The following CD274 variants were observed in gnomAD, a reference collection of about 807,000 sequenced individuals.
CD274 encodes programmed cell death 1 ligand 1.
A neutral mutation model predicts 30.1 loss-of-function variants in CD274; 8 were observed. The observed-to-expected ratio is 0.27, with a 90% CI of 0.16 to 0.48. The LOEUF is 0.48. Ranked by LOEUF, CD274 falls within the 20% of genes least tolerant of loss-of-function variation. CD274 has a pLI of 0.99. For missense variants in CD274, 353 were observed against 346.6 expected (o/e 1.02, Z -0.15); for synonymous variants, 152 against 124.6 (o/e 1.22, Z -1.46).
intron 5 of CD274, 159 bp downstream of exon 5, chr9:5,465,765 TGAA>T: frequency 1.8e-6 from 1 of 545,674 alleles, no homozygotes; most frequent in Admixed American, 3.2e-5. Context: ...GATCACTGGG[TGAA>T]GATGAAGCGT....
chr9:5,458,957 C>T (rs1162078668), intron 3 of CD274, among the ~76,000 whole-genome samples: 1 of 152,132 alleles, frequency 6.6e-6, no homozygotes, highest in African/African-American at 2.4e-5. Context: ...ATAATCCTGG[C>T]AGTCAGGAAG....
rs1038325969 is a variant in CD274 at position 5,468,765 on chromosome 9, T to A, written c.*903T>A. The A allele has an allele frequency of 4.3e-5, 10 of 233,002 alleles. No individual in the cohort carries two copies. Among genetic ancestry groups the A allele is most frequent in the Non-Finnish European group, 6.8e-5 (8 of 117,944 alleles). 14.4% of individuals were successfully genotyped at this position (233,002 alleles called of 1,614,324 possible). A position where few individuals can be genotyped will look rare whatever the true frequency, so the allele number is the denominator to read the frequency against. ...GAGGAAGCAAACAGATTAAGTAACT[T>A]GCCCAAACCAGTAAATAGCAGACCT... is the stretch of plus-strand genomic sequence containing the variant. On this transcript the variant is annotated 3_prime_UTR_variant, in exon 7 of 7. Transcript: ENST00000381577.
chr9:5,461,723 A>G (rs1819407157), intron 3 of CD274, among the ~76,000 whole-genome samples: 1 of 152,178 alleles, frequency 6.6e-6, no homozygotes, highest in Admixed American at 6.6e-5. Flanking sequence ...CTCTTATGCT[A>G]TATAGGTGCA....
intron 3 of CD274, among the ~76,000 whole-genome samples, chr9:5,459,685 A>G (rs1156599975): frequency 6.6e-6 from 1 of 152,218 alleles, no homozygotes; most frequent in Non-Finnish European, 1.5e-5. Flanking sequence ...TTGTGAGTTT[A>G]AATGCCAGAC....
chr9:5,453,892 T>C (rs1158354094), intron 1 of CD274, among the ~76,000 whole-genome samples: 1 of 152,174 alleles, frequency 6.6e-6, no homozygotes, highest in East Asian at 1.9e-4. Context: ...GCAATAGCAG[T>C]CCTCCCTCAA....
Position 5,469,374 on chromosome 9 carries a change from C to T in CD274, c.*1512C>T, listed in dbSNP as rs1374793183. On this transcript the variant is annotated 3_prime_UTR_variant, in exon 7 of 7. Transcript: ENST00000381577. ...ATGGGAGATGGTTGGAAAATCTCCACTTCATCCTCCAAGCCATTCAAGTTT... is the reference window on the plus strand; with the variant it reads ...ATGGGAGATGGTTGGAAAATCTCCATTTCATCCTCCAAGCCATTCAAGTTT... 4.3e-6 allele frequency: 1 copy of T among 232,502 alleles called. No homozygotes were observed. Among genetic ancestry groups the T allele is most frequent in the Non-Finnish European group, 8.5e-6 (1 of 117,674 alleles). 14.4% of individuals were successfully genotyped at this position (232,502 alleles called of 1,614,324 possible). A position where few individuals can be genotyped will look rare whatever the true frequency, so the allele number is the denominator to read the frequency against.
At position 5,462,853 on chromosome 9, in the gene CD274, C is replaced by G. The variant is rs1351902556; in HGVS notation, c.414C>G (p.Asn138Lys). The G allele has an allele frequency of 3.1e-6, 5 of 1,613,466 alleles. No homozygotes were observed. The highest frequency in any genetic ancestry group is 1.7e-5 in the Admixed American group (1 of 59,988). ...TCCTAGCCCCATACAACAAAATCAA[C>G]CAAAGAATTTTGGTTGTGGATCCAG... ...VKVNAPYNKI[N>K]QRILVVDPVT... is the part of the protein sequence containing the mutation. The change falls in exon 4 of 7, where the codon AAC becomes AAG. Residue 138 changes from asparagine to lysine, a missense_variant. Physicochemically the swap from Asn to Lys is moderately conservative, Grantham distance 94. Transcript: ENST00000381577.
intron 3 of CD274, among the ~76,000 whole-genome samples, 200 bp downstream of exon 3, chr9:5,457,620 GACAA>G (rs1819329941): frequency 6.6e-6 from 1 of 152,164 alleles, no homozygotes; most frequent in Admixed American, 6.5e-5. Context: ...GAAATCCAGA[GACAA>G]ACAACACAGA....
At chr9:5,467,077 A>G (rs1255332498) in intron 6 of CD274, among the ~76,000 whole-genome samples, 1 of 152,092 alleles carries the variant, frequency 6.6e-6, no homozygotes, top group African/African-American at 2.4e-5. Context: ...GCAGCAGGGG[A>G]CAAGGATGAC....
intron 1 of CD274, 59 bp downstream of exon 1, chr9:5,450,655 G>T (rs1225399845): frequency 6.6e-6 from 1 of 152,204 alleles, no homozygotes; most frequent in Non-Finnish European, 1.5e-5. Context: ...CTAGCTCGCT[G>T]GGCACTTTAG....
chr9:5,466,476 G>T (rs1209852202), intron 5 of CD274, among the ~76,000 whole-genome samples: 1 of 152,070 alleles, frequency 6.6e-6, no homozygotes, highest in Non-Finnish European at 1.5e-5. Flanking sequence ...AGATTAGTTG[G>T]CAGTAGAAAT....
intron 3 of CD274, among the ~76,000 whole-genome samples, chr9:5,460,028 T>TC (rs918719988): frequency 6.6e-6 from 1 of 152,010 alleles, no homozygotes; most frequent in Non-Finnish European, 1.5e-5. Context: ...GAATATAAAC[T>TC]CCACAAGCAC....
At chr9:5,451,185 G>T (rs181746914) in intron 1 of CD274, among the ~76,000 whole-genome samples, 62 of 152,130 alleles carry the variant, frequency 4.1e-4, no homozygotes, top group African/African-American at 1.1e-3. Flanking sequence ...GTTCAGTCTG[G>T]GTTTGTCTTA....
intron 1 of CD274, among the ~76,000 whole-genome samples, chr9:5,452,491 C>T (rs1238154663): frequency 6.6e-6 from 1 of 152,220 alleles, no homozygotes; most frequent in Non-Finnish European, 1.5e-5. Flanking sequence ...TAAATGTCTC[C>T]ATTCGGATAT....
intron 1 of CD274, among the ~76,000 whole-genome samples, chr9:5,452,993 G>C (rs1196017249): frequency 6.6e-6 from 1 of 151,448 alleles, no homozygotes; most frequent in East Asian, 1.9e-4. Flanking sequence ...TAACTGTACA[G>C]TTATAAAATA....
chr9:5,451,332 C>T (rs1819199059), intron 1 of CD274, among the ~76,000 whole-genome samples: 1 of 152,078 alleles, frequency 6.6e-6, no homozygotes. Flanking sequence ...GATTGGGTAA[C>T]TAAATGAAAT....
At chr9:5,453,663 A>G (rs1425543165) in intron 1 of CD274, among the ~76,000 whole-genome samples, 2 of 152,264 alleles carry the variant, frequency 1.3e-5, no homozygotes, top group Non-Finnish European at 2.9e-5. Flanking sequence ...TAATGAAACA[A>G]ATGGGTATTA....
intron 5 of CD274, 54 bp from the exon 6 acceptor site, chr9:5,466,716 T>A: frequency 7.5e-7 from 1 of 1,324,584 alleles, no homozygotes; most frequent in East Asian, 2.3e-5. Flanking sequence ...TGGGTCACTG[T>A]ATGGGATGTA....
At chr9:5,454,156 A>G (rs1372752251) in intron 1 of CD274, among the ~76,000 whole-genome samples, 2 of 152,214 alleles carry the variant, frequency 1.3e-5, no homozygotes, top group Non-Finnish European at 2.9e-5. Flanking sequence ...ACGGTTTGGT[A>G]AGGTGAAGTG....
Sources: allele counts gnomAD v4.1 joint callset (sites outside exome capture counted in the v4.1 genomes callset), GRCh38; gene constraint gnomAD v4.1.1; transcripts MANE v1.5; gene names NCBI Gene and HGNC (gene_info 2026-07-23, HGNC 2026-07-21).